The following TMTC4 variants were observed in gnomAD, a reference collection of about 807,000 sequenced individuals.
TMTC4 encodes the protein protein O-mannosyl-transferase TMTC4.
Under a neutral mutation model 86.0 loss-of-function variants are expected in TMTC4, and 65 were observed. The observed-to-expected ratio is 0.76, with a 90% CI of 0.62 to 0.93. TMTC4 has a LOEUF of 0.93. Among genes scored for constraint, TMTC4 ranks in the 40% least tolerant of loss-of-function variants. TMTC4 has a pLI of 0.00. For missense variants in TMTC4, 866 were observed against 948.1 expected (o/e 0.91, Z 1.14); for synonymous variants, 379 against 382.5 (o/e 0.99, Z 0.11).
At chr13:100,640,537 C>A (rs1388866470) in intron 7 of TMTC4, among the ~76,000 whole-genome samples, 1 of 152,118 alleles carries the variant, frequency 6.6e-6, no homozygotes, top group Non-Finnish European at 1.5e-5. Flanking sequence ...CCTTTCCAAG[C>A]TATTTCTATA....
chr13:100,653,891 A>G lies in TMTC4; in HGVS notation c.640+2490T>C, dbSNP rs570204857. On this transcript the variant is annotated intron_variant, in intron 6 of 18. Coordinates refer to ENST00000342624, the MANE Select transcript of TMTC4 (RefSeq NM_032813.5). ...ATCAGTTTCAGGGTCAAGACACCAA[A>G]GCCTGGATGAGCAGAAGATGCAAAC... is the stretch of plus-strand genomic sequence containing the variant. Among the ~76,000 whole-genome samples, 466 of 152,318 alleles carry G rather than the reference A, an allele frequency of 3.1e-3. 4 individuals are homozygous for G. Among genetic ancestry groups the G allele is most frequent in the Non-Finnish European group, 3.6e-3 (246 of 68,006 alleles).
chr13:100,615,061 G>C (rs762901543), intron 15 of TMTC4: 2 of 368,924 alleles, frequency 5.4e-6, no homozygotes, highest in African/African-American at 4.5e-5. Flanking sequence ...TGGCAATTTT[G>C]AGTTTGTTTG....
chr13:100,644,683 G>A (rs972295431), intron 6 of TMTC4, among the ~76,000 whole-genome samples: 11 of 152,264 alleles, frequency 7.2e-5, no homozygotes, highest in Admixed American at 4.6e-4. Flanking sequence ...CAAACAAATG[G>A]AATAGCTATT....
At chr13:100,654,122 T>A (rs1338673519) in intron 6 of TMTC4, among the ~76,000 whole-genome samples, 1 of 152,198 alleles carries the variant, frequency 6.6e-6, no homozygotes, top group Admixed American at 6.5e-5. Context: ...CTTCAAAGGC[T>A]TCCCAGTCCA....
intron 12 of TMTC4, among the ~76,000 whole-genome samples, chr13:100,631,630 A>G (rs1347746357): frequency 6.6e-6 from 1 of 152,200 alleles, no homozygotes; most frequent in Non-Finnish European, 1.5e-5. Context: ...AGCACTACCT[A>G]CACTGACATT....
chr13:100,673,308 C>G, intron 1 of TMTC4: 2 of 985,390 alleles, frequency 2.0e-6, no homozygotes, highest in South Asian at 4.7e-5. Flanking sequence ...ATGGCGAGAC[C>G]AAACCTAAAT....
chr13:100,612,720 CAATTCAGCACATTTCTG>C (rs1877832007), intron 16 of TMTC4, among the ~76,000 whole-genome samples: 1 of 151,236 alleles, frequency 6.6e-6, no homozygotes, highest in African/African-American at 2.4e-5. Flanking sequence ...AAAGCCACTG[CAATTCAGCACATTTCTG>C]ACACAACACA....
chr13:100,642,523 G>A (rs532863536), intron 6 of TMTC4, among the ~76,000 whole-genome samples: 41 of 152,124 alleles, frequency 2.7e-4, no homozygotes, highest in Non-Finnish European at 8.8e-5. Flanking sequence ...TCCTGAGAAC[G>A]TGCCCAGGGC....
chr13:100,674,358 G>A (rs1014016422), intron 1 of TMTC4: 7 of 976,396 alleles, frequency 7.2e-6, no homozygotes, highest in Admixed American at 1.3e-4. Flanking sequence ...CCCGCGGCCA[G>A]ATGGCCGCTC....
At chr13:100,665,484 G>C (rs997716075) in intron 3 of TMTC4, among the ~76,000 whole-genome samples, 3 of 152,206 alleles carry the variant, frequency 2.0e-5, no homozygotes, top group African/African-American at 4.8e-5. Flanking sequence ...CCAGGGCAGG[G>C]CCACGTGGCA....
chr13:100,663,212 C>T (rs751689628), intron 4 of TMTC4, 32 bp from the exon 5 acceptor site: 27 of 1,603,700 alleles, frequency 1.7e-5, no homozygotes, highest in South Asian at 1.2e-4. Flanking sequence ...AGGGTACACG[C>T]GCAGCGGCAT....
At chr13:100,640,095 T>C (rs1040875255) in intron 7 of TMTC4, among the ~76,000 whole-genome samples, 1 of 152,096 alleles carries the variant, frequency 6.6e-6, no homozygotes, top group African/African-American at 2.4e-5. Flanking sequence ...CTCCCAGATA[T>C]TGCTGATGCT....
intron 6 of TMTC4, among the ~76,000 whole-genome samples, chr13:100,649,887 G>A (rs1355638578): frequency 6.6e-6 from 1 of 151,876 alleles, no homozygotes; most frequent in African/African-American, 2.4e-5. Flanking sequence ...AATAAATTCT[G>A]AGTGGCAGAT....
Position 100,619,869 on chromosome 13 carries a change from C to G in TMTC4, c.1837-5439G>C, listed in dbSNP as rs569545059. ...TGCATTTGAGTCACTTGGACAAAAT[C>G]CATGGCAACATTTGAACACACCTAG... On this transcript the variant is annotated intron_variant, in intron 15 of 18. Coordinates refer to ENST00000342624, the MANE Select transcript of TMTC4 (RefSeq NM_032813.5). Among the ~76,000 whole-genome samples the G allele has an allele frequency of 1.7e-4, 26 of 152,328 alleles. No homozygotes were observed. In the East Asian group the frequency reaches 4.8e-3, roughly 28 times the overall value.
intron 6 of TMTC4, among the ~76,000 whole-genome samples, chr13:100,653,397 C>T (rs555499497): frequency 7.2e-5 from 11 of 152,122 alleles, no homozygotes; most frequent in South Asian, 2.1e-4. Flanking sequence ...GGGCTGGCAG[C>T]GTGAGGGGCT....
intron 15 of TMTC4, among the ~76,000 whole-genome samples, chr13:100,617,883 C>T (rs1012410664): frequency 2.0e-5 from 3 of 152,154 alleles, no homozygotes; most frequent in Non-Finnish European, 4.4e-5. Context: ...ATGACATTGG[C>T]AGTTTGATAG....
chr13:100,634,506 C>G (rs1383328686), intron 12 of TMTC4, among the ~76,000 whole-genome samples: 1 of 152,050 alleles, frequency 6.6e-6, no homozygotes, highest in Admixed American at 6.5e-5. Flanking sequence ...TGTCACCTCC[C>G]CTGAAGCTAC....
rs201080718 is a variant in TMTC4, at chr13:100,668,628, T to C, written c.170A>G (p.Tyr57Cys). The C allele has an allele frequency of 3.1e-6, 5 of 1,614,060 alleles. No individual in the cohort carries two copies. Among genetic ancestry groups the C allele is most frequent in the East Asian group, 4.5e-5 (2 of 44,900 alleles). ...SVAIVCFARS[Y>C]DGDFVFDDSE... ...GTCATCAAAGACAAAGTCTCCATCA[T>C]AGCTGCGTGCAAAACACACAATGGC... Residue 57 changes from tyrosine (Y) to cysteine (C), a missense_variant, in exon 3 of 19, where the codon TAT (tyrosine) becomes TGT (cysteine). Tyr to Cys is a radical substitution (Grantham distance 194). Transcript: ENST00000342624.
chr13:100,614,979 A>G, intron 15 of TMTC4: 1 of 982,994 alleles, frequency 1.0e-6, no homozygotes, highest in Non-Finnish European at 1.2e-6. Context: ...TAAAGTAAAT[A>G]TAAAAACAGG....
Sources: allele counts gnomAD v4.1 joint callset (sites outside exome capture counted in the v4.1 genomes callset), GRCh38; gene constraint gnomAD v4.1.1; transcripts MANE v1.5; gene names NCBI Gene and HGNC (gene_info 2026-07-23, HGNC 2026-07-21).